The following SFMBT1 variants were observed in gnomAD, a reference collection of about 807,000 sequenced individuals.
SFMBT1 encodes scm-like with four MBT domains protein 1.
SFMBT1 carries 32 observed loss-of-function variants against 108.7 expected under a neutral mutation model. That is an observed-to-expected ratio of 0.29 (90% confidence interval 0.22 to 0.40). SFMBT1 has a LOEUF of 0.40. SFMBT1 is among the 10% of genes least tolerant of loss of function. The pLI, the probability that SFMBT1 is intolerant of heterozygous loss-of-function variation, is 1.00. For missense variants in SFMBT1, 816 were observed against 1,059.6 expected (o/e 0.77, Z 3.19); for synonymous variants, 348 against 369.5 (o/e 0.94, Z 0.67).
At chr3:52,994,558 G>A (rs1698251709) in intron 1 of SFMBT1, among the ~76,000 whole-genome samples, 1 of 150,476 alleles carries the variant, frequency 6.6e-6, no homozygotes, top group South Asian at 2.1e-4. Context: ...GGAATGCAGT[G>A]GGGCCATCTT....
chr3:53,014,618 C>G (rs951468211), intron 1 of SFMBT1, among the ~76,000 whole-genome samples: 24 of 152,280 alleles, frequency 1.6e-4, no homozygotes, highest in African/African-American at 5.3e-4. Flanking sequence ...CTCTGGAGAC[C>G]AACAGTAGTA....
intron 4 of SFMBT1, among the ~76,000 whole-genome samples, chr3:52,942,643 G>A (rs2106814023): frequency 6.6e-6 from 1 of 152,332 alleles, no homozygotes; most frequent in Admixed American, 6.5e-5. Flanking sequence ...CTCCTGAGTA[G>A]CTGGAATTAT....
chr3:53,013,375 G>A (rs1300392205), intron 1 of SFMBT1, among the ~76,000 whole-genome samples: 1 of 151,582 alleles, frequency 6.6e-6, no homozygotes, highest in Non-Finnish European at 1.5e-5. Flanking sequence ...ATTACGTCTT[G>A]AGTATAACTC....
intron 1 of SFMBT1, among the ~76,000 whole-genome samples, chr3:53,011,237 G>A (rs536563107): frequency 1.3e-4 from 20 of 152,252 alleles, no homozygotes; most frequent in African/African-American, 3.9e-4. Context: ...AAAGGTAGAG[G>A]AAAGGGTGGA....
At chr3:52,918,565 A>G in intron 12 of SFMBT1, 39 bp from the exon 13 acceptor site, 1 of 1,376,980 alleles carries the variant, frequency 7.3e-7, no homozygotes, top group Non-Finnish European at 9.9e-7. Context: ...CAAGAAAAAT[A>G]AAAAGACAAA....
chr3:53,029,996 G>GA (rs1037565148), intron 1 of SFMBT1, among the ~76,000 whole-genome samples: 32 of 149,268 alleles, frequency 2.1e-4, no homozygotes, highest in East Asian at 3.9e-4. Flanking sequence ...TACTAACTTA[G>GA]AAAAAAAAAC....
intron 4 of SFMBT1, among the ~76,000 whole-genome samples, chr3:52,942,346 T>G (rs1184286603): frequency 6.6e-6 from 1 of 152,114 alleles, no homozygotes; most frequent in African/African-American, 2.4e-5. Context: ...AGAACATGAG[T>G]AAAGCAGTGG....
At chr3:52,908,017 T>C (rs562804080) in intron 17 of SFMBT1, among the ~76,000 whole-genome samples, 1 of 152,044 alleles carries the variant, frequency 6.6e-6, no homozygotes, top group African/African-American at 2.4e-5. Flanking sequence ...ACACTATCAC[T>C]ATAGATTAGC....
chr3:52,987,742 T>C (rs931099309), intron 1 of SFMBT1, among the ~76,000 whole-genome samples: 2 of 152,224 alleles, frequency 1.3e-5, no homozygotes, highest in Non-Finnish European at 2.9e-5. Context: ...AGTTCCATAC[T>C]GTTCTGCTTA....
intron 1 of SFMBT1, among the ~76,000 whole-genome samples, chr3:52,971,931 C>T (rs916549894): frequency 6.6e-6 from 1 of 152,182 alleles, no homozygotes; most frequent in South Asian, 2.1e-4. Flanking sequence ...AAAGACTGAA[C>T]AGGAAGAGAA....
chr3:52,915,992 A>C (rs933781454), intron 14 of SFMBT1, among the ~76,000 whole-genome samples, 158 bp downstream of exon 14: 1 of 152,216 alleles, frequency 6.6e-6, no homozygotes, highest in Non-Finnish European at 1.5e-5. Flanking sequence ...TATTAAACTA[A>C]ACACATCTTA....
At chr3:52,977,629 T>C (rs1027328188) in intron 1 of SFMBT1, among the ~76,000 whole-genome samples, 3 of 152,196 alleles carry the variant, frequency 2.0e-5, no homozygotes, top group East Asian at 1.9e-4. Context: ...ATAAAGTTCA[T>C]GCTGGGGTGA....
Position 53,001,972 on chromosome 3 carries a change from C to T in SFMBT1, c.-130-32714G>A, listed in dbSNP as rs1003894111. The stretch of plus-strand genomic sequence containing the variant: ...ACACACACACACACACACACACACA[C>T]ATAAATGAAAGATTACTGCCTGTTT... On this transcript the variant is annotated intron_variant, in intron 1 of 20. Coordinates refer to ENST00000394752, the MANE Select transcript of SFMBT1 (RefSeq NM_016329.4). Among the ~76,000 whole-genome samples the T allele has an allele frequency of 2.9e-5, 4 of 139,772 alleles. 1 individual carries two copies. The highest frequency in any genetic ancestry group is 6.4e-5 in the Non-Finnish European group (4 of 62,900). 91.7% of individuals were successfully genotyped at this position (139,772 alleles called of 152,430 possible).
At chr3:52,934,093 AC>A (rs1291004213) in intron 5 of SFMBT1, among the ~76,000 whole-genome samples, 4 of 152,224 alleles carry the variant, frequency 2.6e-5, no homozygotes, top group East Asian at 1.9e-4. Context: ...GCACAAAAAA[AC>A]ATACTCAACA....
At chr3:52,957,921 C>T (rs923570953) in intron 2 of SFMBT1, among the ~76,000 whole-genome samples, 3 of 152,106 alleles carry the variant, frequency 2.0e-5, no homozygotes, top group African/African-American at 2.4e-5. Context: ...ATGACAAAAA[C>T]GTCAAAAGCA....
At chr3:52,980,091 A>G (rs1484647172) in intron 1 of SFMBT1, among the ~76,000 whole-genome samples, 1 of 152,200 alleles carries the variant, frequency 6.6e-6, no homozygotes, top group Non-Finnish European at 1.5e-5. Context: ...TTAGTCTATC[A>G]TTTACCACTT....
intron 1 of SFMBT1, among the ~76,000 whole-genome samples, chr3:53,004,409 A>ACTACTGGAG (rs1203884150): frequency 2.7e-5 from 4 of 149,596 alleles, no homozygotes; most frequent in Non-Finnish European, 6.0e-5. Context: ...AGTAGCTGGA[A>ACTACTGGAG]CTACAGGCAT....
intron 1 of SFMBT1, among the ~76,000 whole-genome samples, chr3:52,972,832 T>C (rs142626492): frequency 5.3e-5 from 6 of 113,098 alleles, no homozygotes; most frequent in Non-Finnish European, 1.0e-4. Flanking sequence ...TAAAACCCCA[T>C]CTCTACTAAA....
Position 52,995,370 on chromosome 3 carries a change from T to C in SFMBT1, c.-130-26112A>G, listed in dbSNP as rs373690591. 5.3e-5 allele frequency among the ~76,000 whole-genome samples: 8 copies of C among 150,504 alleles called. 1 individual carries two copies. In the East Asian group the frequency reaches 5.8e-4, roughly 11 times the overall value. ...AGAAAAAGAAAATAGAAAATCTTTC[T>C]GAGCTTGGACTGGCAAAGAATTTTT... On this transcript the variant is annotated intron_variant, in intron 1 of 20. Coordinates refer to ENST00000394752, the MANE Select transcript of SFMBT1 (RefSeq NM_016329.4).
Sources: allele counts gnomAD v4.1 joint callset (sites outside exome capture counted in the v4.1 genomes callset), GRCh38; gene constraint gnomAD v4.1.1; transcripts MANE v1.5; gene names NCBI Gene and HGNC (gene_info 2026-07-23, HGNC 2026-07-21).